Variants in DCC observed in about 807,000 individuals in gnomAD.
DCC encodes DCC netrin 1 receptor.
A neutral mutation model predicts 172.5 loss-of-function variants in DCC; 58 were observed. The ratio of observed to expected loss-of-function variants is 0.34; its 90% confidence interval spans 0.27 to 0.42. The LOEUF is 0.42. DCC is among the 10% of genes least tolerant of loss of function. The probability of loss-of-function intolerance (pLI) is 1.00; values close to 1 mark genes in which losing one functional copy is unlikely to be tolerated. For missense variants in DCC, 1,740 were observed against 1,791.0 expected (o/e 0.97, Z 0.51); for synonymous variants, 709 against 644.5 (o/e 1.10, Z -1.52).
intron 13 of DCC, among the ~76,000 whole-genome samples, chr18:53,319,741 G>T (rs774191594): frequency 6.6e-6 from 1 of 152,254 alleles, no homozygotes; most frequent in Non-Finnish European, 1.5e-5. Context: ...CCACAGCCAT[G>T]GCAGGGCAGA....
intron 11 of DCC, among the ~76,000 whole-genome samples, chr18:53,208,831 G>A (rs2055700379): frequency 6.6e-6 from 1 of 152,162 alleles, no homozygotes; most frequent in African/African-American, 2.4e-5. Flanking sequence ...TCGGGTTTAA[G>A]TGATTCTCCT....
At chr18:53,370,181 G>A (rs1000254331) in intron 15 of DCC, among the ~76,000 whole-genome samples, 4 of 151,664 alleles carry the variant, frequency 2.6e-5, no homozygotes, top group African/African-American at 9.7e-5. Flanking sequence ...AGTCTTGGTT[G>A]GTAGTATGTT....
intron 7 of DCC, among the ~76,000 whole-genome samples, chr18:53,115,009 G>A (rs1195888738): frequency 6.6e-6 from 1 of 151,596 alleles, no homozygotes; most frequent in East Asian, 1.9e-4. Context: ...TGTTTGAAAT[G>A]AACTCTTAAG....
At position 52,398,993 on chromosome 18, in the gene DCC, T is replaced by C. The variant is rs189305307; in HGVS notation, c.91+58115T>C. On this transcript the variant is annotated intron_variant, in intron 1 of 28. Coordinates refer to ENST00000442544, the MANE Select transcript of DCC (RefSeq NM_005215.4). ...AAATAAATAAACAAATAAATAAATT[T>C]GCCATTATGTCAAACCTCAGAAGTG... 8.6e-5 allele frequency among the ~76,000 whole-genome samples: 13 copies of C among 152,018 alleles called. No individual in the cohort carries two copies. The East Asian group carries it at 2.5e-3, about 29-fold the overall frequency.
intron 2 of DCC, among the ~76,000 whole-genome samples, chr18:52,876,851 C>A (rs2039411021): frequency 6.6e-6 from 1 of 152,066 alleles, no homozygotes. Flanking sequence ...TTTTGGGCTG[C>A]TCCCTAAAAT....
chr18:53,469,471 T>C (rs1382670270), intron 25 of DCC, among the ~76,000 whole-genome samples: 2 of 152,206 alleles, frequency 1.3e-5, no homozygotes, highest in African/African-American at 4.8e-5. Context: ...ATCTCCCATC[T>C]TTCCCTATTC....
At chr18:52,764,712 C>T (rs62081915) in intron 2 of DCC, among the ~76,000 whole-genome samples, 15,080 of 151,984 alleles carry the variant, frequency 0.099, 954 homozygotes, top group Middle Eastern at 0.22. Flanking sequence ...GCCAAATGAA[C>T]GTTTTTTCTT....
In DCC at chr18:53,037,390, C is replaced by T. The variant is rs756327501; in HGVS notation, c.986-25915C>T. ...CTTAACAGGAAGACAGTGGTCTGAC[C>T]TCTTAATAAGGCACAATGTCCACAA... On this transcript the variant is annotated intron_variant, in intron 5 of 28. Coordinates refer to ENST00000442544, the MANE Select transcript of DCC (RefSeq NM_005215.4). Among the ~76,000 whole-genome samples, 7 of 152,038 alleles carry T rather than the reference C, an allele frequency of 4.6e-5. No homozygotes were observed. The East Asian group carries it at 1.4e-3, about 29-fold the overall frequency.
chr18:52,496,863 C>A (rs2030773227), intron 1 of DCC, among the ~76,000 whole-genome samples: 1 of 151,784 alleles, frequency 6.6e-6, no homozygotes, highest in Non-Finnish European at 1.5e-5. Context: ...GAAGATTGTG[C>A]TTGTCCATAT....
At chr18:53,100,487 AAG>A (rs1028503366) in intron 7 of DCC, among the ~76,000 whole-genome samples, 16 of 152,110 alleles carry the variant, frequency 1.1e-4, no homozygotes, top group African/African-American at 3.9e-4. Context: ...AGTCAGAGAA[AAG>A]AGAGAGACAG....
chr18:53,291,682 A>G (rs1022221460), intron 12 of DCC, among the ~76,000 whole-genome samples: 3 of 152,084 alleles, frequency 2.0e-5, no homozygotes, highest in Non-Finnish European at 4.4e-5. Context: ...CAAATATATT[A>G]TATTGCTTTT....
At chr18:52,477,147 G>A (rs1411820964) in intron 1 of DCC, among the ~76,000 whole-genome samples, 2 of 152,100 alleles carry the variant, frequency 1.3e-5, no homozygotes, top group Non-Finnish European at 2.9e-5. Flanking sequence ...ACGTTATTAT[G>A]TAGAGACATG....
At position 53,406,726 on chromosome 18, in the gene DCC, A is replaced by G. The variant is rs1287508802; in HGVS notation, c.2936-3726A>G. 6.1e-5 allele frequency among the ~76,000 whole-genome samples: 7 copies of G among 115,046 alleles called. No homozygotes were observed. In the East Asian group the frequency reaches 1.5e-3, roughly 24 times the overall value. 75.5% of individuals were successfully genotyped at this position (115,046 alleles called of 152,430 possible). A position where few individuals can be genotyped will look rare whatever the true frequency, so the allele number is the denominator to read the frequency against. ...CTCAAAAAAAAAAAAAGAAAGAAAG[A>G]AAAAAGAAAAAAAGTACAGGTACAG... On this transcript the variant is annotated intron_variant, in intron 19 of 28. Transcript: ENST00000442544.
At chr18:52,860,051 A>G (rs2039115768) in intron 2 of DCC, among the ~76,000 whole-genome samples, 1 of 152,254 alleles carries the variant, frequency 6.6e-6, no homozygotes, top group Non-Finnish European at 1.5e-5. Flanking sequence ...GTGCATTGCC[A>G]ATGGGCTAGA....
At chr18:53,444,294 C>A (rs1460517585) in intron 22 of DCC, among the ~76,000 whole-genome samples, 1 of 152,116 alleles carries the variant, frequency 6.6e-6, no homozygotes, top group Non-Finnish European at 1.5e-5. Context: ...ATAATCCCAG[C>A]ATTTTGGGAA....
intron 1 of DCC, among the ~76,000 whole-genome samples, chr18:52,479,810 G>A (rs1486951382): frequency 6.6e-6 from 1 of 152,044 alleles, no homozygotes; most frequent in Non-Finnish European, 1.5e-5. Context: ...TGAATCTTGG[G>A]AGACAATTTC....
chr18:52,429,605 G>A (rs186813936), intron 1 of DCC, among the ~76,000 whole-genome samples: 1 of 152,030 alleles, frequency 6.6e-6, no homozygotes, highest in African/African-American at 2.4e-5. Flanking sequence ...TAGCAACAAG[G>A]CTTCTCTCAC....
rs562513040 is a variant in DCC at position 53,079,375 on chromosome 18, G to A, written c.1261+13209G>A. On this transcript the variant is annotated intron_variant, in intron 7 of 28. Coordinates refer to ENST00000442544, the MANE Select transcript of DCC (RefSeq NM_005215.4). ...AAATATTTTAGATCTTCTTTAATACGCTTGCTTATATAGAAACAGATGACC... is the reference window on the plus strand; with the variant it reads ...AAATATTTTAGATCTTCTTTAATACACTTGCTTATATAGAAACAGATGACC... Among the ~76,000 whole-genome samples, 236 of 151,966 alleles carry A rather than the reference G, an allele frequency of 1.6e-3. 2 individuals carry two copies. The highest frequency in any genetic ancestry group is 5.4e-3 in the African/African-American group (225 of 41,448).
chr18:53,008,000 C>G (rs4940233), intron 5 of DCC, among the ~76,000 whole-genome samples: 17,449 of 152,068 alleles, frequency 0.11, 1,361 homozygotes, highest in East Asian at 0.3. Flanking sequence ...TGCAAATATG[C>G]TATGTAAGGA....
Sources: gnomAD v4.1 joint callset for allele counts (sites outside exome capture counted in the v4.1 genomes callset) on GRCh38, gnomAD v4.1.1 for gene constraint, MANE v1.5 for transcripts, NCBI Gene and HGNC (gene_info 2026-07-23, HGNC 2026-07-21) for gene names.